Variants in ZC3H14 observed in about 807,000 individuals in gnomAD.
ZC3H14 encodes the protein zinc finger CCCH domain-containing protein 14.
Under a neutral mutation model 92.4 loss-of-function variants are expected in ZC3H14, and 31 were observed. The ratio of observed to expected loss-of-function variants is 0.34; its 90% CI spans 0.25 to 0.45. The LOEUF is 0.45. ZC3H14 is among the 20% of genes least tolerant of loss of function. The pLI, the probability that ZC3H14 is intolerant of heterozygous loss-of-function variation, is 1.00. For synonymous variants in ZC3H14, 321 were observed against 300.9 expected (o/e 1.07, Z -0.69); for missense variants, 781 against 897.3 (o/e 0.87, Z 1.66).
rs1318546832 is a variant in ZC3H14 at position 88,612,064 on chromosome 14, T to C, written c.*313T>C. Reference sequence around the variant, plus strand: ...GGATCAGCATATGAAATTGACATCATGGTTAGTCATGGTACTGCAGCTTAG... The same window carrying C: ...GGATCAGCATATGAAATTGACATCACGGTTAGTCATGGTACTGCAGCTTAG... On this transcript the variant is annotated 3_prime_UTR_variant, in exon 17 of 17. Coordinates refer to ENST00000251038, the MANE Select transcript of ZC3H14 (RefSeq NM_024824.5). 8 of 391,704 alleles carry C rather than the reference T, an allele frequency of 2.0e-5. No homozygotes were observed. Among genetic ancestry groups the C allele is most frequent in the African/African-American group, 1.4e-4 (7 of 49,106 alleles). 24.3% of individuals were successfully genotyped at this position (391,704 alleles called of 1,614,324 possible). A position where few individuals can be genotyped will look rare whatever the true frequency, so the allele number is the denominator to read the frequency against.
At position 88,618,421 on chromosome 14, in the gene ZC3H14, T is replaced by C; in HGVS notation, c.*6670T>C. 1 of 1,193,274 alleles carries C rather than the reference T, an allele frequency of 8.4e-7. No individual in the cohort carries two copies. The highest frequency in any genetic ancestry group is 1.3e-5 in the South Asian group (1 of 76,900). 73.9% of individuals were successfully genotyped at this position (1,193,274 alleles called of 1,614,324 possible). On this transcript the variant is annotated 3_prime_UTR_variant, in exon 17 of 17. Transcript: ENST00000251038. Reference sequence around the variant, plus strand: ...TTACAGAATACTAGCATATTGCTACTTGATTTACATGTCTAACATTATTAA... The same window carrying C: ...TTACAGAATACTAGCATATTGCTACCTGATTTACATGTCTAACATTATTAA...
At chr14:88,580,505 C>T (rs1566921853) in intron 9 of ZC3H14, among the ~76,000 whole-genome samples, 1 of 151,758 alleles carries the variant, frequency 6.6e-6, no homozygotes, top group Non-Finnish European at 1.5e-5. Context: ...AAAATTAAAA[C>T]ATCTTCAGAG....
At chr14:88,576,469 T>G (rs980333705) in intron 8 of ZC3H14, among the ~76,000 whole-genome samples, 2 of 152,248 alleles carry the variant, frequency 1.3e-5, no homozygotes, top group African/African-American at 4.8e-5. Flanking sequence ...AATAATTTTA[T>G]GAGAGAATAT....
At chr14:88,595,117 C>G (rs771878504) in intron 9 of ZC3H14, 1 of 1,607,358 alleles carries the variant, frequency 6.2e-7, no homozygotes, top group South Asian at 1.1e-5. Flanking sequence ...GAAAGGTAAA[C>G]TCTTAATATA....
chr14:88,592,194 T>C (rs555489669), intron 9 of ZC3H14: 1 of 152,074 alleles, frequency 6.6e-6, no homozygotes, highest in African/African-American at 2.4e-5. Context: ...TGAGGTTGTT[T>C]ATCTGTCCTC....
In ZC3H14 at chr14:88,620,770, C is replaced by A. The variant is rs762833060; in HGVS notation, c.*9019C>A. On this transcript the variant is annotated 3_prime_UTR_variant, in exon 17 of 17. Transcript: ENST00000251038. The surrounding 1 kb of genome is among the most constrained non-coding windows in gnomAD (Gnocchi z 4.3). ...TTCACTAACCTGATATCATGGATTG[C>A]ACATCTCCTGTCTCTCTTCTTTCCC... 5.0e-6 allele frequency: 8 copies of A among 1,596,926 alleles called. No homozygotes were observed. The highest frequency in any genetic ancestry group is 6.8e-6 in the Non-Finnish European group (8 of 1,174,376).
chr14:88,569,372 AC>A (rs1249592364), intron 3 of ZC3H14, among the ~76,000 whole-genome samples: 1 of 152,202 alleles, frequency 6.6e-6, no homozygotes, highest in Non-Finnish European at 1.5e-5. Flanking sequence ...GTGTAATGTT[AC>A]AGCATATTTT....
In ZC3H14 at chr14:88,618,011, T is replaced by TA. The variant is rs35255737; in HGVS notation, c.*6270dup. On this transcript the variant is annotated 3_prime_UTR_variant, in exon 17 of 17. Coordinates refer to ENST00000251038, the MANE Select transcript of ZC3H14 (RefSeq NM_024824.5). ...TTTAAAGTTAAAACTTTGATTTCCTTAAAAAAAAAACTTGATAAATCATGG... is the reference window on the plus strand; with the variant it reads ...TTTAAAGTTAAAACTTTGATTTCCTTAAAAAAAAAAACTTGATAAATCATGG... The TA allele has an allele frequency of 0.82, 240,432 of 291,650 alleles. 94,681 individuals carry two copies. Among genetic ancestry groups the TA allele is most frequent in the African/African-American group, 0.96 (43,597 of 45,348 alleles). 18.1% of individuals were successfully genotyped at this position (291,650 alleles called of 1,614,324 possible). A position where few individuals can be genotyped will look rare whatever the true frequency, so the allele number is the denominator to read the frequency against.
chr14:88,586,438 T>C (rs1256478934), intron 9 of ZC3H14: 1 of 152,240 alleles, frequency 6.6e-6, no homozygotes, highest in Non-Finnish European at 1.5e-5. Context: ...GTGCAGTAGT[T>C]TTGCTGGATA....
intron 12 of ZC3H14, among the ~76,000 whole-genome samples, chr14:88,605,026 A>G (rs2140092645): frequency 6.6e-6 from 1 of 152,366 alleles, no homozygotes; most frequent in Admixed American, 6.5e-5. Flanking sequence ...TAAAAGAAAG[A>G]TAAAGTTTCT....
In ZC3H14 at chr14:88,566,030, C is replaced by CG. The variant is rs549742902; in HGVS notation, c.80-2009_80-2008insG. ...TTACAGGCACCTGCCACCACCCCGC[C>CG]CCCCCCCCCCGGCTAATTTTTGTGT... On this transcript the variant is annotated intron_variant, in intron 2 of 16. Transcript: ENST00000251038. Among the ~76,000 whole-genome samples the CG allele has an allele frequency of 1.3e-3, 27 of 21,060 alleles. 9 individuals carry two copies. The highest frequency in any genetic ancestry group is 4.3e-3 in the Non-Finnish European group (17 of 3,934). The allele number at this position is 21,060 out of a possible 152,430, so 13.8% of individuals were successfully genotyped here.
chr14:88,607,211 A>G (rs2085550733), intron 12 of ZC3H14, 32 bp from the exon 13 acceptor site: 2 of 1,613,878 alleles, frequency 1.2e-6, no homozygotes, highest in African/African-American at 2.7e-5. Context: ...ATCATAATGA[A>G]TGAAATACTT....
chr14:88,568,242 G>T, intron 3 of ZC3H14, 89 bp downstream of exon 3: 1 of 1,112,386 alleles, frequency 9.0e-7, no homozygotes, highest in East Asian at 2.6e-5. Context: ...TGACACTTGA[G>T]TTAGGTTTAC....
At chr14:88,570,997 A>C in intron 3 of ZC3H14, 87 bp from the exon 4 acceptor site, 2 of 1,075,814 alleles carry the variant, frequency 1.9e-6, no homozygotes, top group Non-Finnish European at 2.6e-6. Flanking sequence ...ATTATCTCTG[A>C]ATATAATGTC....
In ZC3H14 at chr14:88,563,493, G is replaced by T; in HGVS notation, c.37-158G>T. ...GGGCTGGGGCTGGAGCTGGAGTGGG[G>T]TGCGGGGTGGGGGGCGGTGCAGGCG... On this transcript the variant is annotated intron_variant, in intron 1 of 16. Coordinates refer to ENST00000251038, the MANE Select transcript of ZC3H14 (RefSeq NM_024824.5). 3.3e-6 allele frequency: 5 copies of T among 1,525,850 alleles called. No individual in the cohort carries two copies. The South Asian group carries it at 6.0e-5, about 18-fold the overall frequency. The allele number at this position is 1,525,850 out of a possible 1,614,324, so 94.5% of individuals were successfully genotyped here.
At chr14:88,575,076 A>C (rs149967370) in intron 7 of ZC3H14, among the ~76,000 whole-genome samples, 68 of 152,332 alleles carry the variant, frequency 4.5e-4, no homozygotes, top group Non-Finnish European at 3.5e-4. Flanking sequence ...AGCTGGGATT[A>C]TAGGTGTGCA....
rs748748462 is a variant in ZC3H14, at chr14:88,620,892, G to A, written c.*9141G>A. ...TTCAGGGCTGTAACACACAGTACGA[G>A]CAGCATGTCCCAAATTCACTTTGTT... On this transcript the variant is annotated 3_prime_UTR_variant, in exon 17 of 17. Transcript: ENST00000251038. This position sits in a 1 kb window ranked among gnomAD's most constrained non-coding sequence, Gnocchi z 4.3. 20 of 1,533,952 alleles carry A rather than the reference G, an allele frequency of 1.3e-5. No homozygotes were observed. In the East Asian group the frequency reaches 4.2e-4, roughly 33 times the overall value.
intron 9 of ZC3H14, among the ~76,000 whole-genome samples, chr14:88,593,545 G>A (rs185693906): frequency 4.6e-5 from 7 of 152,240 alleles, no homozygotes; most frequent in Admixed American, 2.6e-4. Context: ...CCCGTGGACC[G>A]GAATTGAGAA....
intron 6 of ZC3H14, 132 bp downstream of exon 6, chr14:88,573,139 G>A: frequency 2.0e-6 from 2 of 1,016,770 alleles, no homozygotes; most frequent in Non-Finnish European, 3.0e-6. Context: ...CCAGGACTTT[G>A]GGAGGCCGAG....
Sources: allele counts gnomAD v4.1 joint callset (sites outside exome capture counted in the v4.1 genomes callset), GRCh38; gene constraint gnomAD v4.1.1; non-coding constraint Gnocchi (gnomAD v3.1); transcripts MANE v1.5; gene names NCBI Gene and HGNC (gene_info 2026-07-23, HGNC 2026-07-21).